LRP1B: variants seen among roughly 807,000 people sequenced by gnomAD.
The protein encoded by LRP1B is low-density lipoprotein receptor-related protein 1B.
In LRP1B, 217 loss-of-function variants were observed where a neutral mutation model predicts 556.6. The observed-to-expected ratio is 0.39, with a 90% CI of 0.35 to 0.44. The LOEUF is 0.44. LRP1B is among the 20% of genes least tolerant of loss of function. The pLI is 1.00. For missense variants in LRP1B, 5,053 were observed against 5,620.8 expected (o/e 0.90, Z 3.23); for synonymous variants, 2,047 against 1,865.8 (o/e 1.10, Z -2.50).
chr2:141,039,009 G>A (rs1427665210), intron 11 of LRP1B, among the ~76,000 whole-genome samples: 2 of 151,978 alleles, frequency 1.3e-5, no homozygotes, highest in African/African-American at 4.8e-5. Context: ...GTTACTCTTT[G>A]TCAGCCACAG....
At chr2:142,097,616 A>G (rs1706421240) in intron 1 of LRP1B, among the ~76,000 whole-genome samples, 3 of 151,704 alleles carry the variant, frequency 2.0e-5, no homozygotes, top group Admixed American at 2.0e-4. Context: ...GCTAGTATGT[A>G]TTTTGAAGGA....
At chr2:140,977,605 T>G (rs924716349) in intron 18 of LRP1B, among the ~76,000 whole-genome samples, 10 of 152,118 alleles carry the variant, frequency 6.6e-5, no homozygotes, top group African/African-American at 1.9e-4. Context: ...TGCGTTTTTT[T>G]TTGTTGTTGT....
At chr2:140,771,069 T>A (rs2104939836) in intron 33 of LRP1B, 63 bp from the exon 34 acceptor site, 2 of 1,238,592 alleles carry the variant, frequency 1.6e-6, no homozygotes, top group Non-Finnish European at 2.2e-6. Flanking sequence ...AAGTTTTATT[T>A]AACGTCAATA....
At chr2:141,169,236 A>C (rs1021323842) in intron 7 of LRP1B, among the ~76,000 whole-genome samples, 1 of 151,678 alleles carries the variant, frequency 6.6e-6, no homozygotes, top group Non-Finnish European at 1.5e-5. Context: ...CAGTGAGCCG[A>C]GATCATACCA....
At position 141,791,483 on chromosome 2, in the gene LRP1B, A is replaced by G. The variant is rs907370115; in HGVS notation, c.205+18796T>C. On this transcript the variant is annotated intron_variant, in intron 2 of 90. Coordinates refer to ENST00000389484, the MANE Select transcript of LRP1B (RefSeq NM_018557.3). ...ATAAACATCATGTACATTTCAAATTAAATATATCTTTTAACATTTTTGCTG... is the reference window on the plus strand; with the variant it reads ...ATAAACATCATGTACATTTCAAATTGAATATATCTTTTAACATTTTTGCTG... Among the ~76,000 whole-genome samples the G allele has an allele frequency of 9.2e-5, 14 of 152,210 alleles. 1 individual carries two copies. Among genetic ancestry groups the G allele is most frequent in the Admixed American group, 6.6e-5 (1 of 15,234 alleles).
At chr2:141,280,641 G>A (rs1301293105) in intron 3 of LRP1B, among the ~76,000 whole-genome samples, 1 of 151,880 alleles carries the variant, frequency 6.6e-6, no homozygotes, top group Non-Finnish European at 1.5e-5. Flanking sequence ...AGTAATAAAA[G>A]TGTTAGCAAG....
intron 66 of LRP1B, among the ~76,000 whole-genome samples, chr2:140,423,920 G>A (rs1685552580): frequency 6.6e-6 from 1 of 152,064 alleles, no homozygotes. Context: ...TCAGGAAAGA[G>A]AAACTACATA....
intron 2 of LRP1B, among the ~76,000 whole-genome samples, chr2:141,492,593 C>A (rs1306891278): frequency 6.6e-6 from 1 of 152,010 alleles, no homozygotes; most frequent in Admixed American, 6.6e-5. Context: ...AGAGAAGACA[C>A]AATAAATAAG....
intron 41 of LRP1B, among the ~76,000 whole-genome samples, chr2:140,685,927 A>G (rs964632553): frequency 6.6e-6 from 1 of 152,164 alleles, no homozygotes; most frequent in African/African-American, 2.4e-5. Flanking sequence ...AAAGATATTC[A>G]GCACACATGA....
chr2:141,518,869 G>A (rs1279890878), intron 2 of LRP1B, among the ~76,000 whole-genome samples: 1 of 152,174 alleles, frequency 6.6e-6, no homozygotes, highest in Non-Finnish European at 1.5e-5. Flanking sequence ...AGATTTGCTT[G>A]AACCTGGGAG....
chr2:141,231,758 C>T (rs549928751), intron 5 of LRP1B, among the ~76,000 whole-genome samples: 87 of 152,192 alleles, frequency 5.7e-4, no homozygotes, highest in African/African-American at 1.1e-3. Flanking sequence ...ACCTCTCCTC[C>T]CCCAGGAAAT....
At chr2:141,470,622 T>C (rs187093976) in intron 3 of LRP1B, among the ~76,000 whole-genome samples, 1 of 152,260 alleles carries the variant, frequency 6.6e-6, no homozygotes, top group East Asian at 1.9e-4. Flanking sequence ...AACGCTTGCT[T>C]TCCAGCTGAT....
At position 141,094,763 on chromosome 2, in the gene LRP1B, G is replaced by A. The variant is rs116820929; in HGVS notation, c.1014-32490C>T. Among the ~76,000 whole-genome samples, 1,112 of 152,244 alleles carry A rather than the reference G, an allele frequency of 7.3e-3. 12 individuals are homozygous for A. Among genetic ancestry groups the A allele is most frequent in the African/African-American group, 0.026 (1,067 of 41,548 alleles). On this transcript the variant is annotated intron_variant, in intron 7 of 90. Coordinates refer to ENST00000389484, the MANE Select transcript of LRP1B (RefSeq NM_018557.3). ...TCTCAGGCCATACAGCTGTTGTCTA[G>A]AAACTCAAGGAAGAATTTTAAGTTT...
At chr2:140,380,535 G>T (rs1412755679) in intron 67 of LRP1B, among the ~76,000 whole-genome samples, 1 of 151,932 alleles carries the variant, frequency 6.6e-6, no homozygotes, top group African/African-American at 2.4e-5. Flanking sequence ...ATTTAACAAT[G>T]GAAAATAACA....
rs553405475 is a variant in LRP1B at position 141,920,286 on chromosome 2, G to C, written c.83-109885C>G. ...TTTTTTCTTCTTTTTTTTTGGGGGG[G>C]GGTGGTAGGGATAATCATTTATTTC... is the stretch of plus-strand genomic sequence containing the variant. On this transcript the variant is annotated intron_variant, in intron 1 of 90. Transcript: ENST00000389484. Among the ~76,000 whole-genome samples the C allele has an allele frequency of 7.3e-4, 97 of 133,538 alleles. 2 individuals are homozygous for C. Among genetic ancestry groups the C allele is most frequent in the African/African-American group, 2.5e-3 (89 of 35,428 alleles). 87.6% of individuals were successfully genotyped at this position (133,538 alleles called of 152,430 possible).
At chr2:140,270,406 G>T in intron 85 of LRP1B, 60 bp from the exon 86 acceptor site, 1 of 1,080,892 alleles carries the variant, frequency 9.3e-7, no homozygotes, top group Non-Finnish European at 1.4e-6. Flanking sequence ...ATTGCTGAAA[G>T]CTGACATAAA....
chr2:141,585,632 A>G (rs1167415977), intron 2 of LRP1B, among the ~76,000 whole-genome samples: 1 of 151,928 alleles, frequency 6.6e-6, no homozygotes, highest in Admixed American at 6.5e-5. Flanking sequence ...CTGATTGGCA[A>G]CTGAGAAGTA....
intron 34 of LRP1B, among the ~76,000 whole-genome samples, chr2:140,770,247 A>C (rs1356171880): frequency 1.3e-5 from 2 of 151,908 alleles, no homozygotes; most frequent in Non-Finnish European, 2.9e-5. Flanking sequence ...TCATATAAAT[A>C]TTGGATTTAA....
intron 3 of LRP1B, among the ~76,000 whole-genome samples, chr2:141,387,303 G>T (rs961755515): frequency 6.6e-6 from 1 of 151,850 alleles, no homozygotes. Flanking sequence ...CCCAAAGCTA[G>T]CAGAAGAAAG....
Sources: allele counts gnomAD v4.1 joint callset (sites outside exome capture counted in the v4.1 genomes callset), GRCh38; gene constraint gnomAD v4.1.1; transcripts MANE v1.5; gene names NCBI Gene and HGNC (gene_info 2026-07-23, HGNC 2026-07-21).